The following ADGRB3 variants were observed in gnomAD, a reference collection of about 807,000 sequenced individuals.
ADGRB3 encodes the protein adhesion G protein-coupled receptor B3, also known as brain-specific angiogenesis inhibitor 3.
A neutral mutation model predicts 193.4 loss-of-function variants in ADGRB3; 37 were observed. The ratio of observed to expected loss-of-function variants is 0.19; its 90% confidence interval spans 0.15 to 0.25. The LOEUF (loss-of-function observed/expected upper bound fraction) is 0.25, where lower values mean the gene tolerates loss of function less well. ADGRB3 is among the 10% of genes least tolerant of loss of function. The pLI is 1.00. For missense variants in ADGRB3, 1,637 were observed against 1,852.9 expected (o/e 0.88, Z 2.14); for synonymous variants, 690 against 644.2 (o/e 1.07, Z -1.08).
At chr6:68,936,338 G>T (rs886811736) in intron 4 of ADGRB3, among the ~76,000 whole-genome samples, 181 bp from the exon 5 acceptor site, 1 of 152,166 alleles carries the variant, frequency 6.6e-6, no homozygotes, top group Non-Finnish European at 1.5e-5. Flanking sequence ...GTTTGCATCA[G>T]CATTATATGC....
chr6:69,222,519 T>A (rs1252016876), intron 17 of ADGRB3, among the ~76,000 whole-genome samples: 1 of 152,164 alleles, frequency 6.6e-6, no homozygotes, highest in African/African-American at 2.4e-5. Flanking sequence ...AATTTAAAAG[T>A]AAAATTCAAC....
In ADGRB3 at chr6:68,661,882, C is replaced by A. The variant is rs1768671125; in HGVS notation, c.757+22450C>A. Among the ~76,000 whole-genome samples, 2 of 150,772 alleles carry A rather than the reference C, an allele frequency of 1.3e-5. 1 individual carries two copies. Among genetic ancestry groups the A allele is most frequent in the South Asian group, 4.2e-4 (2 of 4,778 alleles). ...ACCATGATGAGGCTTCTGCAGTAAT[C>A]CAAAAATAAATTGATTACAACAGAA... On this transcript the variant is annotated intron_variant, in intron 3 of 31. Coordinates refer to ENST00000370598, the MANE Select transcript of ADGRB3 (RefSeq NM_001704.3).
chr6:69,162,493 C>A (rs965232731), intron 17 of ADGRB3, among the ~76,000 whole-genome samples: 2 of 152,044 alleles, frequency 1.3e-5, no homozygotes, highest in Admixed American at 6.6e-5. Context: ...TTTTAGACTT[C>A]GCCACTAACT....
chr6:68,762,570 T>C (rs1187563216), intron 3 of ADGRB3, among the ~76,000 whole-genome samples: 2 of 149,656 alleles, frequency 1.3e-5, no homozygotes, highest in African/African-American at 4.8e-5. Flanking sequence ...ATAGGACTAG[T>C]AAATTAATTA....
chr6:69,275,938 C>T (rs1243128317), intron 20 of ADGRB3, among the ~76,000 whole-genome samples: 1 of 152,182 alleles, frequency 6.6e-6, no homozygotes, highest in Non-Finnish European at 1.5e-5. Flanking sequence ...AACATACATG[C>T]TATAAGGTGG....
chr6:68,853,329 T>A (rs1432504140), intron 3 of ADGRB3, among the ~76,000 whole-genome samples: 1 of 152,082 alleles, frequency 6.6e-6, no homozygotes, highest in East Asian at 1.9e-4. Context: ...TAACCTGTAT[T>A]GTTTTCAAAA....
At position 68,974,786 on chromosome 6, in the gene ADGRB3, G is replaced by A. The variant is rs1219739676; in HGVS notation, c.1549G>A (p.Asp517Asn). The A allele has an allele frequency of 6.2e-7, 1 of 1,613,992 alleles. No homozygotes were observed. Among genetic ancestry groups the A allele is most frequent in the South Asian group, 1.1e-5 (1 of 91,078 alleles). Residue 517 changes from aspartate to asparagine, a missense_variant, in exon 9 of 32, where the codon GAT (aspartate) becomes AAT (asparagine). By Grantham distance (23) the Asp-to-Asn change is conservative. Coordinates refer to ENST00000370598, the MANE Select transcript of ADGRB3 (RefSeq NM_001704.3). ...CPAPYEICPE[D>N]YLMSMVWKRT... ...AGCACCTTATGAAATATGCCCTGAG[G>A]ATTATCTGATGTCGATGGTGTGGAA...
chr6:68,867,566 A>T (rs1439122246), intron 3 of ADGRB3, among the ~76,000 whole-genome samples: 2 of 152,070 alleles, frequency 1.3e-5, no homozygotes, highest in African/African-American at 4.8e-5. Context: ...CAAAGAAGCC[A>T]CCATTCTCCA....
chr6:69,292,949 A>G (rs1010848050), intron 20 of ADGRB3, among the ~76,000 whole-genome samples: 1 of 133,412 alleles, frequency 7.5e-6, no homozygotes, highest in African/African-American at 2.9e-5. Context: ...TTCTATGCTT[A>G]GAGCAGCTGC....
chr6:69,340,032 T>C (rs1245220875), intron 26 of ADGRB3, among the ~76,000 whole-genome samples: 1 of 152,204 alleles, frequency 6.6e-6, no homozygotes, highest in Admixed American at 6.5e-5. Flanking sequence ...TGCTATGGAT[T>C]ATTGCTTTTG....
chr6:68,668,081 C>A (rs1461765440), intron 3 of ADGRB3, among the ~76,000 whole-genome samples: 1 of 151,602 alleles, frequency 6.6e-6, no homozygotes, highest in Non-Finnish European at 1.5e-5. Context: ...GATGATAATC[C>A]CCTTTCCTGC....
chr6:68,882,314 T>C (rs1398814955), intron 3 of ADGRB3, among the ~76,000 whole-genome samples: 1 of 152,158 alleles, frequency 6.6e-6, no homozygotes, highest in Non-Finnish European at 1.5e-5. Context: ...TGTATGTAGT[T>C]TGCATACAAA....
intron 3 of ADGRB3, among the ~76,000 whole-genome samples, chr6:68,786,475 G>C (rs907385000): frequency 1.3e-5 from 2 of 151,802 alleles, no homozygotes; most frequent in African/African-American, 4.8e-5. Flanking sequence ...GATATGCAGC[G>C]TTATTTCTGA....
At chr6:69,029,554 A>AATGC (rs1201094715) in intron 13 of ADGRB3, among the ~76,000 whole-genome samples, 1 of 152,224 alleles carries the variant, frequency 6.6e-6, no homozygotes, top group Non-Finnish European at 1.5e-5. Flanking sequence ...TGATATATAG[A>AATGC]ATGCACATTA....
chr6:69,151,762 C>A (rs941586489), intron 17 of ADGRB3, among the ~76,000 whole-genome samples: 3 of 152,152 alleles, frequency 2.0e-5, no homozygotes, highest in Admixed American at 2.0e-4. Flanking sequence ...AAAGACTTGA[C>A]CAAAGCTCAC....
chr6:69,040,305 G>GTCTCTTTCTTTCTT (rs1562132966), intron 13 of ADGRB3, among the ~76,000 whole-genome samples: 1 of 106,830 alleles, frequency 9.4e-6, no homozygotes, highest in African/African-American at 3.9e-5. Context: ...TCCTTTCTCT[G>GTCTCTTTCTTTCTT]TCTCTTTCTT....
chr6:69,370,720 A>C (rs1769690232), intron 29 of ADGRB3, among the ~76,000 whole-genome samples: 2 of 152,162 alleles, frequency 1.3e-5, no homozygotes, highest in South Asian at 4.1e-4. Flanking sequence ...TGCAAAGCTC[A>C]TGACTAATGT....
At chr6:69,209,812 C>G (rs534309898) in intron 17 of ADGRB3, among the ~76,000 whole-genome samples, 2 of 152,242 alleles carry the variant, frequency 1.3e-5, no homozygotes, top group African/African-American at 4.8e-5. Flanking sequence ...TATAGAGTCA[C>G]TAAACTTCTT....
Position 68,725,098 on chromosome 6 carries a change from G to A in ADGRB3, c.757+85666G>A, listed in dbSNP as rs113803316. ...AGAAAAGCATTGGTATAGTCTAGGC[G>A]GAAGAGATGGGACATTCAAAGTCAT... On this transcript the variant is annotated intron_variant, in intron 3 of 31. Coordinates refer to ENST00000370598, the MANE Select transcript of ADGRB3 (RefSeq NM_001704.3). 9.8e-3 allele frequency among the ~76,000 whole-genome samples: 1,483 copies of A among 151,706 alleles called. 30 individuals carry two copies. Among genetic ancestry groups the A allele is most frequent in the African/African-American group, 0.034 (1,425 of 41,484 alleles).
Sources: gnomAD v4.1 joint callset for allele counts (sites outside exome capture counted in the v4.1 genomes callset) on GRCh38, gnomAD v4.1.1 for gene constraint, MANE v1.5 for transcripts, NCBI Gene and HGNC (gene_info 2026-07-23, HGNC 2026-07-21) for gene names.